Variants in PCDHA9 observed in about 807,000 individuals in gnomAD.
PCDHA9 encodes the protein protocadherin alpha-9.
A neutral mutation model predicts 62.0 loss-of-function variants in PCDHA9; 62 were observed. That is an observed-to-expected ratio of 1.00 (90% CI 0.81 to 1.23). The LOEUF (loss-of-function observed/expected upper bound fraction) is 1.23. Among genes scored for constraint, PCDHA9 ranks in the 50% most tolerant of loss-of-function variants. The pLI, the probability that PCDHA9 is intolerant of heterozygous loss-of-function variation, is 0.00. For missense variants in PCDHA9, 1,205 were observed against 1,249.8 expected (o/e 0.96, Z 0.54); for synonymous variants, 557 against 567.6 (o/e 0.98, Z 0.27).
At chr5:140,980,704 G>T (rs2153822525) in intron 2 of PCDHA9, among the ~76,000 whole-genome samples, 1 of 151,890 alleles carries the variant, frequency 6.6e-6, no homozygotes, top group East Asian at 1.9e-4. Context: ...AGCCAAATGT[G>T]CTCCTATTCG....
At chr5:140,861,372 A>C (rs2046882996) in intron 1 of PCDHA9, 3 of 407,054 alleles carry the variant, frequency 7.4e-6, no homozygotes, top group Non-Finnish European at 1.5e-5. Flanking sequence ...CGCGGTCCCT[A>C]TTGCGCAGGA....
At chr5:140,870,751 C>T in intron 1 of PCDHA9, 3 of 1,613,546 alleles carry the variant, frequency 1.9e-6, no homozygotes, top group Non-Finnish European at 2.5e-6. Context: ...CAACGTGACG[C>T]TGCAGGTGTT....
intron 1 of PCDHA9, chr5:140,877,048 G>C (rs376952553): frequency 1.2e-5 from 19 of 1,612,558 alleles, no homozygotes; most frequent in African/African-American, 2.7e-5. Flanking sequence ...GCTAGACCAC[G>C]AGGAGCTGGA....
rs1383347742 is a variant in PCDHA9, at chr5:140,943,271, AAAAAAAG to A, written c.2395-35674_2395-35668del. ...AGACTCTGTCTCAAAAAAAAAAAAA[AAAAAAAG>A]AAAGAAAGAATTAAATTTTGGGAAG... On this transcript the variant is annotated intron_variant, in intron 1 of 3. Transcript: ENST00000532602. Among the ~76,000 whole-genome samples, 73 of 150,734 alleles carry A rather than the reference AAAAAAAG, an allele frequency of 4.8e-4. 1 individual carries two copies. The highest frequency in any genetic ancestry group is 1.6e-3 in the African/African-American group (65 of 40,848).
At chr5:140,866,703 G>T (rs553518884) in intron 1 of PCDHA9, 45 of 152,224 alleles carry the variant, frequency 3.0e-4, no homozygotes, top group African/African-American at 1.1e-3. Context: ...AGTGGATGAC[G>T]TGCACTAGTA....
intron 1 of PCDHA9, chr5:140,877,301 A>T (rs2057007244): frequency 6.2e-7 from 1 of 1,613,758 alleles, no homozygotes; most frequent in African/African-American, 1.3e-5. Flanking sequence ...CTGTCCTACG[A>T]GTTGCAACCG....
chr5:140,870,527 C>T, intron 1 of PCDHA9: 1 of 1,614,236 alleles, frequency 6.2e-7, no homozygotes, highest in Non-Finnish European at 8.5e-7. Context: ...CACATCTTCA[C>T]AGTGTCGGCG....
At position 140,851,351 on chromosome 5, in the gene PCDHA9, G is replaced by A. The variant is rs2042034892; in HGVS notation, c.2394+462G>A. ...GTAGTTCTCTACATTTCTCTGGATG[G>A]AGACTGTGAACATCTGATTGTTCAG... is the stretch of plus-strand genomic sequence containing the variant. On this transcript the variant is annotated intron_variant, in intron 1 of 3. Coordinates refer to ENST00000532602, the MANE Select transcript of PCDHA9 (RefSeq NM_031857.2). The A allele has an allele frequency of 7.2e-6, 7 of 975,904 alleles. 1 individual carries two copies. Among genetic ancestry groups the A allele is most frequent in the Non-Finnish European group, 8.7e-6 (7 of 803,048 alleles). The allele number at this position is 975,904 out of a possible 1,614,324, so 60.5% of individuals were successfully genotyped here. A position where few individuals can be genotyped will look rare whatever the true frequency, so the allele number is the denominator to read the frequency against.
chr5:140,848,437 A>G lies in PCDHA9; in HGVS notation c.-59A>G. ...AGCAGAATGGGACTGACGAAATCAGATGATTTCTTCTAATTTGGAGGCAAT... is the reference window on the plus strand; with the variant it reads ...AGCAGAATGGGACTGACGAAATCAGGTGATTTCTTCTAATTTGGAGGCAAT... On this transcript the variant is annotated 5_prime_UTR_variant, in exon 1 of 4. The change abolishes an upstream ATG in the 5' untranslated region. Transcript: ENST00000532602. 4 of 1,473,718 alleles carry G rather than the reference A, an allele frequency of 2.7e-6. 1 individual carries two copies. Among genetic ancestry groups the G allele is most frequent in the Admixed American group, 1.9e-5 (1 of 52,040 alleles). 91.3% of individuals were successfully genotyped at this position (1,473,718 alleles called of 1,614,324 possible). A position where few individuals can be genotyped will look rare whatever the true frequency, so the allele number is the denominator to read the frequency against.
At chr5:140,926,131 A>G (rs2082931602) in intron 1 of PCDHA9, among the ~76,000 whole-genome samples, 1 of 152,076 alleles carries the variant, frequency 6.6e-6, no homozygotes, top group Non-Finnish European at 1.5e-5. Context: ...TTCAACCCGC[A>G]GCAGGATCCA....
chr5:140,917,937 T>C (rs2078442259), intron 1 of PCDHA9, among the ~76,000 whole-genome samples: 1 of 152,186 alleles, frequency 6.6e-6, no homozygotes, highest in Non-Finnish European at 1.5e-5. Flanking sequence ...AAAAATAATA[T>C]TGGTAGTTTG....
At chr5:140,851,273 G>C in intron 1 of PCDHA9, 1 of 1,057,916 alleles carries the variant, frequency 9.5e-7, no homozygotes, top group African/African-American at 1.7e-5. Flanking sequence ...TACTTGTATT[G>C]TTTATAAGAA....
At chr5:140,944,718 G>A (rs1554216523) in intron 1 of PCDHA9, among the ~76,000 whole-genome samples, 1 of 152,088 alleles carries the variant, frequency 6.6e-6, no homozygotes, top group East Asian at 1.9e-4. Flanking sequence ...TTTTGCCTTT[G>A]AACACCTTAG....
At chr5:140,995,936 T>C (rs1554254905) in intron 3 of PCDHA9, among the ~76,000 whole-genome samples, 1 of 152,220 alleles carries the variant, frequency 6.6e-6, no homozygotes, top group Non-Finnish European at 1.5e-5. Context: ...AAGTATTAAA[T>C]GACATAATGC....
chr5:140,859,830 T>C (rs1388131535), intron 1 of PCDHA9: 1 of 152,212 alleles, frequency 6.6e-6, no homozygotes, highest in Non-Finnish European at 1.5e-5. Flanking sequence ...AGAAGTGTAT[T>C]TGTTATTTTA....
Position 140,857,884 on chromosome 5 carries a change from G to C in PCDHA9, c.2394+6995G>C, listed in dbSNP as rs782097827. 60 of 1,597,656 alleles carry C rather than the reference G, an allele frequency of 3.8e-5. 6 individuals carry two copies. Among genetic ancestry groups the C allele is most frequent in the Non-Finnish European group, 5.0e-5 (58 of 1,167,502 alleles). On this transcript the variant is annotated intron_variant, in intron 1 of 3. Transcript: ENST00000532602. ...CGTGGCTGTCGTATGAATTGCAGTC[G>C]GCGGCGGTTGGTGCACGCATCCCGT...
chr5:141,003,648 G>A lies in PCDHA9; in HGVS notation c.2543-5979G>A, dbSNP rs1314983871. On this transcript the variant is annotated intron_variant, in intron 3 of 3. Transcript: ENST00000532602. ...GTTTTTAAAGTAGAAGTGAAGATCTGTATGCATTTATTAAAATATATGTTG... is the reference window on the plus strand; with the variant it reads ...GTTTTTAAAGTAGAAGTGAAGATCTATATGCATTTATTAAAATATATGTTG... Among the ~76,000 whole-genome samples the A allele has an allele frequency of 3.3e-5, 5 of 152,226 alleles. No individual in the cohort carries two copies. In the South Asian group the frequency reaches 6.2e-4, roughly 19 times the overall value.
intron 1 of PCDHA9, chr5:140,877,085 G>T: frequency 6.2e-7 from 1 of 1,613,214 alleles, no homozygotes; most frequent in Non-Finnish European, 8.5e-7. Context: ...GTGAGCGCGC[G>T]CGACGCCGGC....
intron 1 of PCDHA9, among the ~76,000 whole-genome samples, chr5:140,970,781 G>A (rs2096433448): frequency 6.6e-6 from 1 of 152,042 alleles, no homozygotes; most frequent in Admixed American, 6.6e-5. Context: ...CATACATATT[G>A]TATGTAATAT....
Sources: allele counts gnomAD v4.1 joint callset (sites outside exome capture counted in the v4.1 genomes callset), GRCh38; gene constraint gnomAD v4.1.1; transcripts MANE v1.5; gene names NCBI Gene and HGNC (gene_info 2026-07-23, HGNC 2026-07-21).